Variants in GRIA4 observed in about 807,000 individuals in gnomAD.
The protein encoded by GRIA4 is glutamate receptor 4.
GRIA4 carries 34 observed loss-of-function variants against 104.0 expected under a neutral mutation model. The ratio of observed to expected loss-of-function variants is 0.33; its 90% CI spans 0.25 to 0.44. The LOEUF (loss-of-function observed/expected upper bound fraction) is 0.44. GRIA4 is among the 20% of genes least tolerant of loss of function. GRIA4 has a pLI of 1.00. For missense variants in GRIA4, 750 were observed against 1,096.5 expected (o/e 0.68, Z 4.46); for synonymous variants, 386 against 381.9 (o/e 1.01, Z -0.13).
chr11:105,947,057 G>A (rs1948333252), intron 14 of GRIA4, among the ~76,000 whole-genome samples: 1 of 152,170 alleles, frequency 6.6e-6, no homozygotes, highest in Non-Finnish European at 1.5e-5. Context: ...TAGTGGCTAT[G>A]TGATTAGGAA....
At chr11:105,909,117 C>T (rs942155995) in intron 9 of GRIA4, among the ~76,000 whole-genome samples, 3 of 151,936 alleles carry the variant, frequency 2.0e-5, no homozygotes, top group Admixed American at 6.6e-5. Context: ...TGTAGCAAGC[C>T]GTATTAATAA....
rs568797830 is a variant in GRIA4, at chr11:105,870,395, T to C, written c.672+8187T>C. Among the ~76,000 whole-genome samples the C allele has an allele frequency of 3.3e-5, 5 of 152,048 alleles. No individual in the cohort carries two copies. The South Asian group carries it at 1.0e-3, about 32-fold the overall frequency. The stretch of plus-strand genomic sequence containing the variant: ...TGTACCACAACACTTATCCATTTGG[T>C]CATTTATTTAACACACATTTATCCA... On this transcript the variant is annotated intron_variant, in intron 5 of 16. Transcript: ENST00000282499.
intron 4 of GRIA4, among the ~76,000 whole-genome samples, chr11:105,844,173 A>G (rs1944493719): frequency 6.6e-6 from 1 of 152,196 alleles, no homozygotes; most frequent in African/African-American, 2.4e-5. Flanking sequence ...AAAGTTAAAC[A>G]TTGTTGAGCT....
intron 3 of GRIA4, among the ~76,000 whole-genome samples, chr11:105,745,019 A>AT (rs1358382910): frequency 2.0e-5 from 3 of 152,130 alleles, no homozygotes; most frequent in African/African-American, 7.2e-5. Context: ...CATGAAAAAC[A>AT]TTTTTTAAGT....
intron 14 of GRIA4, among the ~76,000 whole-genome samples, chr11:105,944,189 A>G (rs1220622466): frequency 6.6e-6 from 1 of 152,218 alleles, no homozygotes; most frequent in Non-Finnish European, 1.5e-5. Context: ...GCACATTTTC[A>G]TAATGGCTGT....
chr11:105,858,738 T>A (rs994541762), intron 4 of GRIA4, among the ~76,000 whole-genome samples: 7 of 152,124 alleles, frequency 4.6e-5, no homozygotes, highest in African/African-American at 1.7e-4. Flanking sequence ...TTAGCTCCTA[T>A]AAATGAGTGA....
intron 3 of GRIA4, among the ~76,000 whole-genome samples, chr11:105,681,212 G>C (rs145785001): frequency 6.6e-6 from 1 of 152,168 alleles, no homozygotes; most frequent in African/African-American, 2.4e-5. Context: ...TGTTGCGGGA[G>C]AAAACAATAG....
intron 6 of GRIA4, among the ~76,000 whole-genome samples, chr11:105,894,791 A>ATTTTTTTTTTTTTTTTTT (rs569292239): frequency 4.7e-5 from 6 of 126,386 alleles, no homozygotes; most frequent in African/African-American, 1.9e-4. Context: ...ATTGCTACAT[A>ATTTTTTTTTTTTTTTTTT]TTTTTTTTTT....
intron 4 of GRIA4, chr11:105,842,700 G>A (rs1445100314): frequency 6.6e-6 from 1 of 152,106 alleles, no homozygotes; most frequent in East Asian, 1.9e-4. Flanking sequence ...TAAAAGGTGT[G>A]GCCGCCATTG....
intron 3 of GRIA4, among the ~76,000 whole-genome samples, chr11:105,644,403 C>A (rs534584234): frequency 6.6e-6 from 1 of 150,704 alleles, no homozygotes; most frequent in South Asian, 2.1e-4. Flanking sequence ...ACCAGCCTAG[C>A]CTACATAGTG....
chr11:105,843,589 A>T (rs1221008506), intron 4 of GRIA4, among the ~76,000 whole-genome samples: 2 of 152,166 alleles, frequency 1.3e-5, no homozygotes, highest in African/African-American at 4.8e-5. Context: ...AATTCCAATA[A>T]TCTTGGATTC....
intron 3 of GRIA4, among the ~76,000 whole-genome samples, chr11:105,620,695 A>C (rs1471409325): frequency 1.3e-5 from 2 of 151,872 alleles, no homozygotes; most frequent in Non-Finnish European, 2.9e-5. Context: ...ATATTGCCAA[A>C]TTCATGTCAT....
chr11:105,860,594 C>T lies in GRIA4; in HGVS notation c.488-1430C>T, dbSNP rs368730412. On this transcript the variant is annotated intron_variant, in intron 4 of 16. Coordinates refer to ENST00000282499, the MANE Select transcript of GRIA4 (RefSeq NM_000829.4). ...CTGACTAACAGGCTCTGATCCTAAC[C>T]AATCTTAGTGTATGGGATATTTATA... is the stretch of plus-strand genomic sequence containing the variant. Among the ~76,000 whole-genome samples the T allele has an allele frequency of 3.3e-5, 5 of 152,218 alleles. No homozygotes were observed. In the South Asian group the frequency reaches 8.3e-4, roughly 25 times the overall value.
intron 3 of GRIA4, among the ~76,000 whole-genome samples, chr11:105,619,161 T>G (rs538529088): frequency 2.0e-5 from 3 of 151,948 alleles, no homozygotes; most frequent in Admixed American, 6.6e-5. Flanking sequence ...CACTTAGAGA[T>G]ATGGAGAGAT....
chr11:105,866,453 G>A (rs985241734), intron 5 of GRIA4, among the ~76,000 whole-genome samples: 3 of 150,840 alleles, frequency 2.0e-5, no homozygotes, highest in Non-Finnish European at 4.4e-5. Context: ...TTGTGTGTGT[G>A]TGTGTGTGAC....
chr11:105,651,767 T>A (rs1351668551), intron 3 of GRIA4, among the ~76,000 whole-genome samples: 1 of 151,956 alleles, frequency 6.6e-6, no homozygotes, highest in Non-Finnish European at 1.5e-5. Context: ...AGTAGCCTAT[T>A]GTCATTTATC....
At chr11:105,627,666 A>G in intron 3 of GRIA4, among the ~76,000 whole-genome samples, 1 of 152,188 alleles carries the variant, frequency 6.6e-6, no homozygotes, top group East Asian at 1.9e-4. Context: ...AGTTCTAGCA[A>G]CAAATACTTA....
At chr11:105,760,173 GT>G (rs909153979) in intron 4 of GRIA4, among the ~76,000 whole-genome samples, 21 of 152,090 alleles carry the variant, frequency 1.4e-4, no homozygotes, top group African/African-American at 5.1e-4. Flanking sequence ...GCTTCTTCTG[GT>G]TCATTTTCTA....
intron 12 of GRIA4, 66 bp downstream of exon 12, chr11:105,924,835 C>T: frequency 2.5e-6 from 3 of 1,206,362 alleles, no homozygotes; most frequent in Non-Finnish European, 3.5e-6. Flanking sequence ...TGCAGATTAT[C>T]TCTCTACATG....
Sources: allele counts gnomAD v4.1 joint callset (sites outside exome capture counted in the v4.1 genomes callset), GRCh38; gene constraint gnomAD v4.1.1; transcripts MANE v1.5; gene names NCBI Gene and HGNC (gene_info 2026-07-23, HGNC 2026-07-21).